The following TMX4 variants were observed in gnomAD, a reference collection of about 807,000 sequenced individuals.
The protein encoded by TMX4 is thioredoxin related transmembrane protein 4, also known as thioredoxin-related transmembrane protein 4.
In TMX4, 23 loss-of-function variants were observed where a neutral mutation model predicts 33.3. The ratio of observed to expected loss-of-function variants is 0.69; its 90% confidence interval spans 0.50 to 0.98. The LOEUF is 0.98. TMX4 is among the 50% of genes least tolerant of loss of function. The pLI, the probability that TMX4 is intolerant of heterozygous loss-of-function variation, is 0.00. For missense variants in TMX4, 399 were observed against 448.9 expected (o/e 0.89, Z 1.01); for synonymous variants, 164 against 161.5 (o/e 1.02, Z -0.12).
At chr20:8,011,738 A>G (rs2050754022) in intron 1 of TMX4, among the ~76,000 whole-genome samples, 1 of 152,122 alleles carries the variant, frequency 6.6e-6, no homozygotes, top group Admixed American at 6.5e-5. Flanking sequence ...AGCAAGACTT[A>G]GCAAGCACAG....
chr20:8,019,106 C>T, intron 1 of TMX4: 1 of 484,530 alleles, frequency 2.1e-6, no homozygotes, highest in Admixed American at 2.6e-5. Flanking sequence ...AAGCTGCCCA[C>T]TCCACCCCGA....
intron 2 of TMX4, among the ~76,000 whole-genome samples, chr20:8,003,902 T>C (rs2050716967): frequency 6.6e-6 from 1 of 152,178 alleles, no homozygotes; most frequent in African/African-American, 2.4e-5. Context: ...CATTTATGTT[T>C]GTCAATATTT....
chr20:8,003,494 T>A (rs1322447029), intron 2 of TMX4, among the ~76,000 whole-genome samples: 1 of 152,142 alleles, frequency 6.6e-6, no homozygotes, highest in Non-Finnish European at 1.5e-5. Flanking sequence ...AATAAATAAG[T>A]AGAAAAATAT....
chr20:8,001,885 T>C (rs1247134137), intron 2 of TMX4, among the ~76,000 whole-genome samples: 1 of 152,134 alleles, frequency 6.6e-6, no homozygotes. Context: ...CTTTTTTCTA[T>C]AAAATGGGTA....
intron 1 of TMX4, among the ~76,000 whole-genome samples, chr20:8,016,182 T>C (rs1443502773): frequency 6.6e-6 from 1 of 152,132 alleles, no homozygotes; most frequent in Non-Finnish European, 1.5e-5. Context: ...AGTTTAAAGA[T>C]TAGATCATTT....
chr20:7,995,165 AG>A (rs1415326155), intron 5 of TMX4, among the ~76,000 whole-genome samples: 1 of 152,210 alleles, frequency 6.6e-6, no homozygotes, highest in Non-Finnish European at 1.5e-5. Flanking sequence ...AAACAGAAAA[AG>A]AGTCTTCACA....
intron 2 of TMX4, among the ~76,000 whole-genome samples, chr20:8,009,390 A>T (rs2050743207): frequency 4.6e-5 from 7 of 152,128 alleles, no homozygotes; most frequent in Admixed American, 3.9e-4. Context: ...ACCACAGTGA[A>T]ATATAATATC....
chr20:8,010,231 A>G lies in TMX4; in HGVS notation c.261T>C (p.Ser87=). 1.2e-6 allele frequency: 2 copies of G among 1,611,704 alleles called. No homozygotes were observed. The highest frequency in any genetic ancestry group is 1.7e-6 in the Non-Finnish European group (2 of 1,178,336). Residue 87 remains serine, a synonymous_variant, in exon 2 of 8, where the codon AGT becomes AGC. Transcript: ENST00000246024. ...FAKNGEILQI[S]VGKVDVIQEP... Reference sequence around the variant, plus strand: ...CTTGAATGACATCTACCTTCCCCACACTGATCTGAAGTATTTCACCATTCT... The same window carrying G: ...CTTGAATGACATCTACCTTCCCCACGCTGATCTGAAGTATTTCACCATTCT...
Position 7,982,134 on chromosome 20 carries a change from C to G in TMX4, c.*117G>C, listed in dbSNP as rs145589285. 3.8e-6 allele frequency: 4 copies of G among 1,066,310 alleles called. No homozygotes were observed. The African/African-American group carries it at 6.4e-5, about 17-fold the overall frequency. The allele number at this position is 1,066,310 out of a possible 1,614,324, so 66.1% of individuals were successfully genotyped here. Reference sequence around the variant, plus strand: ...GCCATGAGACCAAATGACTAGAGAGCATCTTTTAAGAGAAGCTTGCTCATT... The same window carrying G: ...GCCATGAGACCAAATGACTAGAGAGGATCTTTTAAGAGAAGCTTGCTCATT... On this transcript the variant is annotated 3_prime_UTR_variant, in exon 8 of 8. Coordinates refer to ENST00000246024, the MANE Select transcript of TMX4 (RefSeq NM_021156.4).
intron 2 of TMX4, among the ~76,000 whole-genome samples, chr20:8,009,150 T>C (rs114305578): frequency 0.015 from 2,246 of 152,238 alleles, 55 homozygotes; most frequent in African/African-American, 0.05. Context: ...AATAGCCACA[T>C]TTTAGAGATT....
At chr20:7,998,501 T>A (rs1483432381) in intron 4 of TMX4, among the ~76,000 whole-genome samples, 1 of 152,114 alleles carries the variant, frequency 6.6e-6, no homozygotes, top group African/African-American at 2.4e-5. Flanking sequence ...ATTCTTGCCC[T>A]CTCCAATCTC....
Position 8,019,575 on chromosome 20 carries a change from G to T in TMX4, c.39C>A (p.Leu13=). 1 of 1,400,704 alleles carries T rather than the reference G, an allele frequency of 7.1e-7. No individual in the cohort carries two copies. The highest frequency in any genetic ancestry group is 1.6e-5 in the South Asian group (1 of 61,838). 86.8% of individuals were successfully genotyped at this position (1,400,704 alleles called of 1,614,324 possible). The change falls in exon 1 of 8, where the codon CTC becomes CTA. Residue 13 remains leucine (L), a synonymous_variant. Transcript: ENST00000246024. The part of the protein sequence containing the change: ...GGRCGPQLTA[L]LAAWIAAVAA... ...CCACAGCCGCGATCCAGGCGGCCAG[G>T]AGCGCCGTTAGCTGCGGGCCGCAGC...
intron 1 of TMX4, among the ~76,000 whole-genome samples, chr20:8,011,211 T>C (rs1018270686): frequency 6.6e-6 from 1 of 152,086 alleles, no homozygotes; most frequent in Non-Finnish European, 1.5e-5. Context: ...CTGAATTGTT[T>C]TTACAAAATG....
chr20:8,018,862 TTA>T (rs2050795874), intron 1 of TMX4: 12 of 273,288 alleles, frequency 4.4e-5, no homozygotes, highest in South Asian at 3.7e-4. Context: ...GCATCCATAT[TTA>T]TGTTTTATTC....
chr20:7,995,385 T>C (rs555083745), intron 5 of TMX4, among the ~76,000 whole-genome samples: 2 of 152,314 alleles, frequency 1.3e-5, no homozygotes, highest in Admixed American at 1.3e-4. Context: ...CAACATTATA[T>C]AATGGTTCAA....
chr20:7,999,704 A>G (rs2122866998), intron 4 of TMX4, 28 bp downstream of exon 4: 3 of 1,600,438 alleles, frequency 1.9e-6, no homozygotes, highest in African/African-American at 1.4e-5. Flanking sequence ...TTTTATTAGT[A>G]ACACCTTGTC....
intron 3 of TMX4, 116 bp from the exon 4 acceptor site, chr20:7,999,976 A>C: frequency 1.8e-6 from 2 of 1,086,870 alleles, no homozygotes; most frequent in South Asian, 3.4e-5. Context: ...CTTTAAATTG[A>C]CTCAATTGAA....
At chr20:8,019,190 G>C (rs898999395) in intron 1 of TMX4, 10 of 501,988 alleles carry the variant, frequency 2.0e-5, no homozygotes, top group Admixed American at 1.7e-4. Flanking sequence ...GCGCATGCGC[G>C]GCGCGAGCGG....
At position 7,981,976 on chromosome 20, in the gene TMX4, G is replaced by T. The variant is rs939131877; in HGVS notation, c.*275C>A. 4 of 352,610 alleles carry T rather than the reference G, an allele frequency of 1.1e-5. No individual in the cohort carries two copies. Among genetic ancestry groups the T allele is most frequent in the African/African-American group, 4.2e-5 (2 of 47,952 alleles). The allele number at this position is 352,610 out of a possible 1,614,324, so 21.8% of individuals were successfully genotyped here. On this transcript the variant is annotated 3_prime_UTR_variant, in exon 8 of 8. Coordinates refer to ENST00000246024, the MANE Select transcript of TMX4 (RefSeq NM_021156.4). ...GGACTGGGAATGGCCTCCTCTGGTC[G>T]AGACTCTCTGACCCCTAAGTAAATG...
Sources: gnomAD v4.1 joint callset for allele counts (sites outside exome capture counted in the v4.1 genomes callset) on GRCh38, gnomAD v4.1.1 for gene constraint, MANE v1.5 for transcripts, NCBI Gene and HGNC (gene_info 2026-07-23, HGNC 2026-07-21) for gene names.